ANO1: variants seen among roughly 807,000 people sequenced by gnomAD.
The protein encoded by ANO1 is anoctamin-1.
Under a neutral mutation model 124.0 loss-of-function variants are expected in ANO1, and 59 were observed. The observed-to-expected ratio is 0.48, with a 90% CI of 0.39 to 0.59. The LOEUF (loss-of-function observed/expected upper bound fraction) is 0.59, where lower values mean the gene tolerates loss of function less well. Among genes scored for constraint, ANO1 ranks in the 20% least tolerant of loss-of-function variants. The probability of loss-of-function intolerance (pLI) is 0.00; values close to 1 mark genes in which losing one functional copy is unlikely to be tolerated. For missense variants in ANO1, 1,059 were observed against 1,328.0 expected, an observed-to-expected ratio of 0.80 and a Z score of 3.15; for synonymous variants, 529 against 532.0, an observed-to-expected ratio of 0.99 and a Z score of 0.08.
chr11:70,186,878 G>C (rs546564500), intron 25 of ANO1, among the ~76,000 whole-genome samples: 1 of 152,224 alleles, frequency 6.6e-6, no homozygotes, highest in East Asian at 1.9e-4. Flanking sequence ...CAGTGCAAAA[G>C]GTGTGTGGGG....
intron 20 of ANO1, among the ~76,000 whole-genome samples, chr11:70,166,740 C>T (rs2048269366): frequency 6.6e-6 from 1 of 152,182 alleles, no homozygotes; most frequent in Admixed American, 6.5e-5. Flanking sequence ...CCTTCTGTAG[C>T]CAGCAAAGCC....
chr11:69,972,866 G>A, the ANO1 span, among the ~76,000 whole-genome samples: 1 of 151,404 alleles, frequency 6.6e-6, no homozygotes, highest in South Asian at 2.1e-4. Flanking sequence ...ACCCTCCCTG[G>A]CCTGGCCCCT....
chr11:70,086,874 G>C (rs1466739112), intron 1 of ANO1, among the ~76,000 whole-genome samples: 2 of 152,194 alleles, frequency 1.3e-5, no homozygotes, highest in African/African-American at 4.8e-5. Flanking sequence ...CCTGGCCTCT[G>C]CTCAGGCTCT....
chr11:70,024,167 G>A (rs868944059), intron 1 of ANO1, among the ~76,000 whole-genome samples: 12 of 152,240 alleles, frequency 7.9e-5, no homozygotes, highest in Non-Finnish European at 2.9e-5. Flanking sequence ...TGGACAGAGA[G>A]CTTGCCCCTG....
intron 1 of ANO1, among the ~76,000 whole-genome samples, chr11:70,021,683 G>C (rs1856812638): frequency 6.6e-6 from 1 of 152,066 alleles, no homozygotes; most frequent in African/African-American, 2.4e-5. Context: ...AATTCCAGCG[G>C]TGACATTTGT....
intron 10 of ANO1, among the ~76,000 whole-genome samples, chr11:70,130,400 C>T (rs959305943): frequency 5.9e-5 from 9 of 152,136 alleles, no homozygotes; most frequent in Admixed American, 2.6e-4. Context: ...AGATGAGAGC[C>T]GGCAGTGCTT....
intron 14 of ANO1, among the ~76,000 whole-genome samples, chr11:70,154,899 G>A (rs765278738): frequency 5.3e-4 from 81 of 152,342 alleles, no homozygotes; most frequent in South Asian, 4.1e-4. Context: ...GTGCACGCCC[G>A]GGTGCCAGCT....
intron 10 of ANO1, among the ~76,000 whole-genome samples, chr11:70,130,817 A>G (rs2186795): frequency 0.42 from 64,503 of 152,028 alleles, 14,331 homozygotes; most frequent in East Asian, 0.57. Flanking sequence ...CCTCCGCTGC[A>G]CCGGGCAGCT....
At position 70,185,633 on chromosome 11, in the gene ANO1, G is replaced by C. The variant is rs201962504; in HGVS notation, c.2632G>C (p.Asp878His). Residue 878 changes from aspartate to histidine, a missense_variant, in exon 25 of 26, where the codon GAC (aspartate) becomes CAC (histidine). By Grantham distance (81) the Asp-to-His change is moderately conservative. Around this residue, in one of 2 missense-constraint regions of ANO1, gnomAD observed 809 missense variants for 1,094.9 expected, o/e 0.74. Transcript: ENST00000355303. ...REPPWSENKY[D>H]ISKDFWAVLA... ...GCCGCCGTGGTCGGAAAACAAGTACGACATCTCCAAGGACTTCTGGGCCGT... is the reference window on the plus strand; with the variant it reads ...GCCGCCGTGGTCGGAAAACAAGTACCACATCTCCAAGGACTTCTGGGCCGT... The C allele has an allele frequency of 1.9e-6, 3 of 1,613,802 alleles. No homozygotes were observed. Among genetic ancestry groups the C allele is most frequent in the African/African-American group, 1.3e-5 (1 of 74,920 alleles).
Position 70,110,421 on chromosome 11 carries a change from C to T in ANO1, c.800-1286C>T, listed in dbSNP as rs1168484965. ...CAGGATAGTCTCGATCTCTTGACCT[C>T]GTGATCCACCTGCCTCAACCCCCCA... On this transcript the variant is annotated intron_variant, in intron 6 of 25. Coordinates refer to ENST00000355303, the MANE Select transcript of ANO1 (RefSeq NM_018043.7). Among the ~76,000 whole-genome samples, 9 of 152,048 alleles carry T rather than the reference C, an allele frequency of 5.9e-5. 1 individual carries two copies. Among genetic ancestry groups the T allele is most frequent in the African/African-American group, 9.7e-5 (4 of 41,400 alleles).
chr11:70,067,323 G>GGTTTTTT lies in ANO1; in HGVS notation c.59-11219_59-11218insGTTTTTT, dbSNP rs1555008734. Among the ~76,000 whole-genome samples the GGTTTTTT allele has an allele frequency of 4.7e-5, 6 of 126,536 alleles. 2 individuals are homozygous for GGTTTTTT. Among genetic ancestry groups the GGTTTTTT allele is most frequent in the East Asian group, 2.4e-4 (1 of 4,204 alleles). 83.0% of individuals were successfully genotyped at this position (126,536 alleles called of 152,430 possible). On this transcript the variant is annotated intron_variant, in intron 1 of 27. Coordinates refer to the ANO1 transcript ENST00000531349. ...TCCAAGGGGACAAGGAATCGTGGGT[G>GGTTTTTT]TTTTTTTTTTTTTTTTTTTTTTGAG...
chr11:69,970,267 C>T, the ANO1 span, among the ~76,000 whole-genome samples: 3 of 152,166 alleles, frequency 2.0e-5, no homozygotes, highest in African/African-American at 7.2e-5. Context: ...ACAGTGCGCA[C>T]GGCTGCAGAG....
At chr11:70,096,881 A>G (rs2044998843) in intron 2 of ANO1, among the ~76,000 whole-genome samples, 2 of 151,874 alleles carry the variant, frequency 1.3e-5, no homozygotes, top group African/African-American at 4.8e-5. Flanking sequence ...AATAATAATA[A>G]TAATAATCAA....
chr11:70,021,566 C>T (rs1358507924), intron 1 of ANO1, among the ~76,000 whole-genome samples: 3 of 152,040 alleles, frequency 2.0e-5, no homozygotes, highest in African/African-American at 7.2e-5. Flanking sequence ...GACGTGGTTC[C>T]CATTGTCCCC....
At chr11:70,062,178 G>T (rs1277596908) in intron 1 of ANO1, among the ~76,000 whole-genome samples, 1 of 142,626 alleles carries the variant, frequency 7.0e-6, no homozygotes, top group Non-Finnish European at 1.5e-5. Context: ...TGAGGTTCAA[G>T]CGATTCTCCT....
At chr11:70,146,318 C>T (rs2047375856) in intron 11 of ANO1, among the ~76,000 whole-genome samples, 2 of 152,172 alleles carry the variant, frequency 1.3e-5, no homozygotes, top group Non-Finnish European at 2.9e-5. Flanking sequence ...TTCCTGCCTG[C>T]GGTCGTTGTG....
At chr11:70,163,990 C>CT (rs886287252) in intron 19 of ANO1, among the ~76,000 whole-genome samples, 21 of 148,684 alleles carry the variant, frequency 1.4e-4, no homozygotes, top group Non-Finnish European at 1.8e-4. Flanking sequence ...ACTTGGCTAA[C>CT]TTTTTTTTTT....
At chr11:69,998,600 A>G (rs535438195) in intron 1 of ANO1, among the ~76,000 whole-genome samples, 1 of 152,302 alleles carries the variant, frequency 6.6e-6, no homozygotes, top group South Asian at 2.1e-4. Context: ...TATATCTCTG[A>G]TAAATATATT....
chr11:70,084,001 G>A (rs2044279019), intron 1 of ANO1, among the ~76,000 whole-genome samples: 2 of 152,214 alleles, frequency 1.3e-5, no homozygotes, highest in African/African-American at 4.8e-5. Flanking sequence ...GGCTGAGAAG[G>A]ACAGAAAGGG....
Sources: allele counts gnomAD v4.1 joint callset (sites outside exome capture counted in the v4.1 genomes callset), GRCh38; gene constraint gnomAD v4.1.1; regional missense constraint gnomAD v4.1.1; transcripts MANE v1.5; gene names NCBI Gene and HGNC (gene_info 2026-07-23, HGNC 2026-07-21).